Variants in EXOC6B observed in about 807,000 individuals in gnomAD.
EXOC6B encodes the protein exocyst complex component 6B, also known as SEC15 homolog B.
A neutral mutation model predicts 113.5 loss-of-function variants in EXOC6B; 54 were observed. That is an observed-to-expected ratio of 0.48 (90% CI 0.38 to 0.60). The LOEUF (loss-of-function observed/expected upper bound fraction) is 0.60. Ranked by LOEUF, EXOC6B falls within the 20% of genes least tolerant of loss-of-function variation. The pLI, the probability that EXOC6B is intolerant of heterozygous loss-of-function variation, is 0.00. For missense variants in EXOC6B, 797 were observed against 977.5 expected (o/e 0.82, Z 2.46); for synonymous variants, 357 against 339.0 (o/e 1.05, Z -0.58).
At chr2:72,710,457 C>G (rs1183270199) in intron 6 of EXOC6B, among the ~76,000 whole-genome samples, 1 of 151,896 alleles carries the variant, frequency 6.6e-6, no homozygotes, top group Admixed American at 6.6e-5. Context: ...CCACCTTACC[C>G]CAGACCATTC....
At chr2:72,428,251 A>T (rs1695320065) in intron 18 of EXOC6B, among the ~76,000 whole-genome samples, 1 of 152,200 alleles carries the variant, frequency 6.6e-6, no homozygotes, top group Admixed American at 6.5e-5. Flanking sequence ...CTTGTTCGCC[A>T]CGTTCCAGGC....
intron 8 of EXOC6B, among the ~76,000 whole-genome samples, chr2:72,550,786 G>A (rs770593532): frequency 6.6e-6 from 1 of 151,872 alleles, no homozygotes; most frequent in Non-Finnish European, 1.5e-5. Context: ...GTATATTGAC[G>A]ACAGAGACCA....
At chr2:72,708,850 C>G (rs1438760283) in intron 6 of EXOC6B, among the ~76,000 whole-genome samples, 3 of 151,532 alleles carry the variant, frequency 2.0e-5, no homozygotes, top group Non-Finnish European at 4.4e-5. Context: ...CTTCCTCAGC[C>G]TCCTGAGTAG....
chr2:72,685,115 T>G (rs951058512), intron 6 of EXOC6B, among the ~76,000 whole-genome samples: 9 of 152,164 alleles, frequency 5.9e-5, no homozygotes, highest in Non-Finnish European at 1.0e-4. Flanking sequence ...TGATGGATAA[T>G]AGATGGATAT....
chr2:72,192,834 G>T (rs1247754918), intron 20 of EXOC6B, among the ~76,000 whole-genome samples: 2 of 152,140 alleles, frequency 1.3e-5, no homozygotes, highest in African/African-American at 4.8e-5. Context: ...ACCTGAATTT[G>T]CACTTTATAT....
chr2:72,609,860 T>C (rs1670969524), intron 6 of EXOC6B, among the ~76,000 whole-genome samples: 1 of 151,988 alleles, frequency 6.6e-6, no homozygotes. Context: ...GGGAAAACAT[T>C]AAGAACAGCA....
At chr2:72,806,689 C>A (rs1165212495) in intron 1 of EXOC6B, among the ~76,000 whole-genome samples, 4 of 152,190 alleles carry the variant, frequency 2.6e-5, no homozygotes, top group African/African-American at 9.7e-5. Flanking sequence ...ACCTCACCAG[C>A]ATCTATCATT....
intron 17 of EXOC6B, among the ~76,000 whole-genome samples, chr2:72,468,053 G>T (rs543386371): frequency 6.6e-6 from 1 of 152,176 alleles, no homozygotes; most frequent in African/African-American, 2.4e-5. Context: ...TTACAGGCGT[G>T]AGCCACCATG....
intron 20 of EXOC6B, among the ~76,000 whole-genome samples, chr2:72,185,829 G>C (rs548288644): frequency 1.3e-5 from 2 of 151,042 alleles, no homozygotes; most frequent in South Asian, 4.2e-4. Flanking sequence ...TGCCATGTTG[G>C]TGTGCTGCAC....
At chr2:72,801,648 G>T (rs944498696) in intron 1 of EXOC6B, among the ~76,000 whole-genome samples, 4 of 152,168 alleles carry the variant, frequency 2.6e-5, no homozygotes, top group African/African-American at 9.7e-5. Context: ...CTGGAACAGT[G>T]TTTTGAAGCT....
At chr2:72,758,893 C>T (rs1253142560) in intron 1 of EXOC6B, among the ~76,000 whole-genome samples, 1 of 152,160 alleles carries the variant, frequency 6.6e-6, no homozygotes, top group East Asian at 1.9e-4. Context: ...GTCCTTGATC[C>T]CTTTTTCTCC....
At chr2:72,230,078 A>C (rs547612434) in intron 20 of EXOC6B, among the ~76,000 whole-genome samples, 6 of 152,204 alleles carry the variant, frequency 3.9e-5, no homozygotes, top group African/African-American at 1.4e-4. Context: ...TACATTCACA[A>C]GAGTCTCTGT....
intron 20 of EXOC6B, among the ~76,000 whole-genome samples, chr2:72,257,364 C>A (rs1263228393): frequency 6.6e-6 from 1 of 152,112 alleles, no homozygotes; most frequent in Non-Finnish European, 1.5e-5. Context: ...TCAGATTAAC[C>A]TTTTTCTTCC....
intron 20 of EXOC6B, among the ~76,000 whole-genome samples, chr2:72,325,703 A>G (rs979401951): frequency 1.1e-4 from 17 of 152,022 alleles, no homozygotes; most frequent in African/African-American, 4.1e-4. Flanking sequence ...TTCCTGTTCT[A>G]TCTTCACTTG....
intron 6 of EXOC6B, among the ~76,000 whole-genome samples, chr2:72,633,289 G>C (rs902977353): frequency 6.6e-6 from 1 of 152,174 alleles, no homozygotes; most frequent in African/African-American, 2.4e-5. Flanking sequence ...AATTAGGCAG[G>C]ATCATACACT....
intron 8 of EXOC6B, among the ~76,000 whole-genome samples, chr2:72,542,026 G>T (rs1232826454): frequency 1.3e-5 from 2 of 152,044 alleles, no homozygotes; most frequent in African/African-American, 4.8e-5. Context: ...TAATTTCAGG[G>T]CAATGAGAAA....
chr2:72,199,758 C>T (rs530408753), intron 20 of EXOC6B, among the ~76,000 whole-genome samples: 1 of 152,308 alleles, frequency 6.6e-6, no homozygotes, highest in African/African-American at 2.4e-5. Context: ...TTCTGCCTGG[C>T]ATTTTCAAAA....
chr2:72,300,435 C>T (rs1220448381), intron 20 of EXOC6B, among the ~76,000 whole-genome samples: 1 of 152,238 alleles, frequency 6.6e-6, no homozygotes, highest in African/African-American at 2.4e-5. Flanking sequence ...GAATTTCAGC[C>T]AGTGGATCTT....
chr2:72,243,418 A>G (rs1305961579), intron 20 of EXOC6B, among the ~76,000 whole-genome samples: 1 of 152,200 alleles, frequency 6.6e-6, no homozygotes, highest in African/African-American at 2.4e-5. Context: ...CAGCCATAAA[A>G]AAGGATGAGT....
Sources: gnomAD v4.1 joint callset for allele counts (sites outside exome capture counted in the v4.1 genomes callset) on GRCh38, gnomAD v4.1.1 for gene constraint, MANE v1.5 for transcripts, NCBI Gene and HGNC (gene_info 2026-07-23, HGNC 2026-07-21) for gene names.